The following MTCL1 variants were observed in gnomAD, a reference collection of about 807,000 sequenced individuals.
The protein encoded by MTCL1 is microtubule cross-linking factor 1.
In MTCL1, 79 loss-of-function variants were observed where a neutral mutation model predicts 141.4. The ratio of observed to expected loss-of-function variants is 0.56; its 90% CI spans 0.47 to 0.67. MTCL1 has a LOEUF of 0.67. Among genes scored for constraint, MTCL1 ranks in the 30% least tolerant of loss-of-function variants. The pLI is 0.00. For synonymous variants in MTCL1, 914 were observed against 875.8 expected, an observed-to-expected ratio of 1.04 and a Z score of -0.77; for missense variants, 2,177 against 2,113.9, an observed-to-expected ratio of 1.03 and a Z score of -0.59.
intron 16 of MTCL1, chr18:8,829,578 C>G (rs2077131343): frequency 1.0e-6 from 1 of 984,910 alleles, no homozygotes; most frequent in Non-Finnish European, 1.2e-6. Flanking sequence ...CTCAGAATTG[C>G]TTTCAGAGTC....
chr18:8,782,870 T>A (rs553211229), intron 5 of MTCL1, among the ~76,000 whole-genome samples: 2 of 152,294 alleles, frequency 1.3e-5, no homozygotes, highest in East Asian at 3.9e-4. Flanking sequence ...ACCTCATGTT[T>A]TTGTCATGTC....
Position 8,784,898 on chromosome 18 carries a change from G to A in MTCL1, c.1731+55G>A, listed in dbSNP as rs1053032553. The A allele has an allele frequency of 1.8e-5, 26 of 1,439,974 alleles. No individual in the cohort carries two copies. In the African/African-American group the frequency reaches 2.6e-4, roughly 14 times the overall value. 89.2% of individuals were successfully genotyped at this position (1,439,974 alleles called of 1,614,324 possible). On this transcript the variant is annotated intron_variant, in intron 6 of 16. Transcript: ENST00000359865. ...CTCCGCCTTGCTCTTCCTCCTTCTC[G>A]CTGGCATTGCTGCACTCGGGCTCAC...
intron 4 of MTCL1, among the ~76,000 whole-genome samples, chr18:8,744,906 C>T (rs1207800523): frequency 1.3e-5 from 2 of 152,216 alleles, no homozygotes; most frequent in Non-Finnish European, 2.9e-5. Context: ...GAGGCTTATG[C>T]AGGGAGTGTT....
At chr18:8,821,541 T>C (rs1217786209) in intron 14 of MTCL1, 43 bp downstream of exon 13, 1 of 1,153,642 alleles carries the variant, frequency 8.7e-7, no homozygotes, top group Non-Finnish European at 1.3e-6. Context: ...AGAATAAAAA[T>C]GTCTTGGTCT....
At chr18:8,716,732 G>C (rs2096130855), upstream of MTCL1, among the ~76,000 whole-genome samples, 1 of 152,034 alleles carries the variant, frequency 6.6e-6, no homozygotes, top group Non-Finnish European at 1.5e-5. Flanking sequence ...TAGGGTGTCT[G>C]AGTATAGGAG....
chr18:8,740,106 T>C (rs2096294589), intron 4 of MTCL1, among the ~76,000 whole-genome samples: 1 of 152,240 alleles, frequency 6.6e-6, no homozygotes, highest in Non-Finnish European at 1.5e-5. Context: ...AATTGCTTTG[T>C]CCTTGTAAAA....
chr18:8,816,498 C>T (rs1229839881), intron 12 of MTCL1, among the ~76,000 whole-genome samples: 1 of 152,088 alleles, frequency 6.6e-6, no homozygotes, highest in African/African-American at 2.4e-5. Context: ...TGTCTCAATC[C>T]AAGTTTGATT....
chr18:8,789,354 C>A (rs556785591), intron 7 of MTCL1: 3 of 959,634 alleles, frequency 3.1e-6, no homozygotes, highest in South Asian at 9.6e-5. Context: ...GAAAATGAAG[C>A]CATGGTCATG....
chr18:8,809,804 T>A, intron 11 of MTCL1: 2 of 571,442 alleles, frequency 3.5e-6, no homozygotes, highest in South Asian at 2.2e-5. Flanking sequence ...CAGGTTGGAT[T>A]TGAGGTGTGT....
intron 4 of MTCL1, among the ~76,000 whole-genome samples, chr18:8,753,317 T>C (rs956441279): frequency 2.6e-5 from 4 of 152,208 alleles, no homozygotes; most frequent in Non-Finnish European, 5.9e-5. Flanking sequence ...GAGACACTTA[T>C]TGTTTGAAAT....
chr18:8,794,988 G>C (rs950272111), intron 8 of MTCL1, among the ~76,000 whole-genome samples: 7 of 152,350 alleles, frequency 4.6e-5, no homozygotes, highest in African/African-American at 1.7e-4. Context: ...GGAAATTGCA[G>C]ATGCTGGGTG....
chr18:8,815,313 TC>T (rs1479496989), intron 12 of MTCL1, among the ~76,000 whole-genome samples: 1 of 151,828 alleles, frequency 6.6e-6, no homozygotes, highest in African/African-American at 2.4e-5. Context: ...TGAGTTCATG[TC>T]CTTTGTAGGG....
At position 8,707,898 on chromosome 18, in the gene MTCL1, A is replaced by T. The variant is rs75213202; in HGVS notation, c.1053+1185A>T. Among the ~76,000 whole-genome samples, 892 of 152,336 alleles carry T rather than the reference A, an allele frequency of 5.9e-3. 2 individuals are homozygous for T. Among genetic ancestry groups the T allele is most frequent in the Non-Finnish European group, 0.011 (719 of 68,026 alleles). Reference sequence around the variant, plus strand: ...GGGTGATCTCAAGCCTAAATTTCTTATGGAGCTGCTCCAACCAACTGAGCC... The same window carrying T: ...GGGTGATCTCAAGCCTAAATTTCTTTTGGAGCTGCTCCAACCAACTGAGCC... On this transcript the variant is annotated intron_variant, in intron 1 of 13. Coordinates refer to the MTCL1 transcript ENST00000306329.
intron 14 of MTCL1, 72 bp downstream of exon 13, chr18:8,821,570 A>G (rs2076846988): frequency 6.2e-6 from 5 of 810,368 alleles, no homozygotes; most frequent in South Asian, 3.5e-5. Flanking sequence ...TGTTTTGTCA[A>G]TGCAGTCTAT....
chr18:8,781,393 T>A (rs1329752448), intron 5 of MTCL1, among the ~76,000 whole-genome samples: 1 of 152,094 alleles, frequency 6.6e-6, no homozygotes, highest in Non-Finnish European at 1.5e-5. Context: ...TACTTCAAGT[T>A]AGTCACAGGA....
At chr18:8,831,404 C>A (rs1401146710) in intron 16 of MTCL1, 10 of 1,407,562 alleles carry the variant, frequency 7.1e-6, no homozygotes, top group Middle Eastern at 2.3e-4. Flanking sequence ...GGTCTCTTCC[C>A]ATTCATGTCA....
At position 8,813,091 on chromosome 18, in the gene MTCL1, G is replaced by A; in HGVS notation, c.2717G>A (p.Ser906Asn). ...CAGAAGCTCCTGGCAGACAGTCACA[G>A]CCTGGTCATGGACCTGCGCTGGCAG... The change falls in exon 12 of 17, where the codon AGC (serine) becomes AAC (asparagine). Residue 906 changes from serine to asparagine, a missense_variant. Transcript: ENST00000359865. 1.9e-6 allele frequency: 3 copies of A among 1,614,218 alleles called. No individual in the cohort carries two copies. In the Middle Eastern group the frequency reaches 4.9e-4, roughly 266 times the overall value.
intron 4 of MTCL1, among the ~76,000 whole-genome samples, chr18:8,767,401 G>T (rs569029075): frequency 6.6e-6 from 1 of 152,324 alleles, no homozygotes; most frequent in East Asian, 1.9e-4. Context: ...GTCGGACAGG[G>T]TGTTATTAGG....
intron 4 of MTCL1, among the ~76,000 whole-genome samples, chr18:8,738,437 G>A (rs537690315): frequency 7.2e-5 from 11 of 152,262 alleles, no homozygotes; most frequent in African/African-American, 2.6e-4. Context: ...AGCCCTGTGG[G>A]TTTATAGCAT....
Sources: allele counts gnomAD v4.1 joint callset (sites outside exome capture counted in the v4.1 genomes callset), GRCh38; gene constraint gnomAD v4.1.1; transcripts MANE v1.5; gene names NCBI Gene and HGNC (gene_info 2026-07-23, HGNC 2026-07-21).